PLCL1: variants seen among roughly 807,000 people sequenced by gnomAD.
The protein encoded by PLCL1 is inactive phospholipase C-like protein 1.
In PLCL1, 41 loss-of-function variants were observed where a neutral mutation model predicts 84.4. The observed-to-expected ratio is 0.49, with a 90% CI of 0.38 to 0.63. PLCL1 has a LOEUF of 0.63. PLCL1 is among the 30% of genes least tolerant of loss of function. The pLI is 0.00. For missense variants in PLCL1, 1,206 were observed against 1,367.8 expected (o/e 0.88, Z 1.87); for synonymous variants, 490 against 488.3 (o/e 1.00, Z -0.05).
Position 197,834,611 on chromosome 2 carries a change from G to A in PLCL1, c.240+29272G>A, listed in dbSNP as rs966237465. ...AAACCACAATGAGATACCATCTCAC[G>A]CCAGTTAGAATGGCGATCATTAAAA... On this transcript the variant is annotated intron_variant, in intron 1 of 5. Coordinates refer to ENST00000428675, the MANE Select transcript of PLCL1 (RefSeq NM_006226.4). Among the ~76,000 whole-genome samples the A allele has an allele frequency of 2.6e-5, 4 of 152,138 alleles. No homozygotes were observed. In the South Asian group the frequency reaches 8.3e-4, roughly 32 times the overall value.
intron 5 of PLCL1, among the ~76,000 whole-genome samples, chr2:198,108,912 A>T (rs985541526): frequency 2.6e-5 from 4 of 151,912 alleles, no homozygotes; most frequent in African/African-American, 9.7e-5. Flanking sequence ...TGTACATGAA[A>T]TTGGTCTCCT....
At chr2:198,045,705 C>T (rs1202947030) in intron 1 of PLCL1, among the ~76,000 whole-genome samples, 2 of 152,102 alleles carry the variant, frequency 1.3e-5, no homozygotes, top group African/African-American at 4.8e-5. Context: ...ATGGCTCTGC[C>T]AGATTCATAT....
chr2:197,862,207 C>A (rs1243261731), intron 1 of PLCL1, among the ~76,000 whole-genome samples: 1 of 152,106 alleles, frequency 6.6e-6, no homozygotes, highest in Non-Finnish European at 1.5e-5. Context: ...CCTGGTGATG[C>A]CATGATCATA....
intron 2 of PLCL1, among the ~76,000 whole-genome samples, chr2:198,087,017 A>G (rs1281300392): frequency 6.6e-6 from 1 of 152,228 alleles, no homozygotes; most frequent in Non-Finnish European, 1.5e-5. Flanking sequence ...TAATGACAAC[A>G]ATAATAAATT....
At chr2:197,922,467 C>T (rs1688721882) in intron 1 of PLCL1, among the ~76,000 whole-genome samples, 1 of 116,764 alleles carries the variant, frequency 8.6e-6, no homozygotes, top group Admixed American at 8.7e-5. Context: ...CCACCTTTCC[C>T]GCCTTTCTAT....
rs3056066 is a variant in PLCL1, at chr2:197,804,942, T to TGCCGCC, written c.-139_-134dup. On this transcript the variant is annotated 5_prime_UTR_variant, in exon 1 of 6. Coordinates refer to ENST00000428675, the MANE Select transcript of PLCL1 (RefSeq NM_006226.4). ...GAGCGATGTCCCCTCTCCAGAAAGTTGCCGCCGCCGCCGCCGCCGCCGCCA... is the reference window on the plus strand; with the variant it reads ...GAGCGATGTCCCCTCTCCAGAAAGTTGCCGCCGCCGCCGCCGCCGCCGCCGCCGCCA... 0.16 allele frequency: 114,758 copies of TGCCGCC among 732,406 alleles called. 9,892 individuals carry two copies. Among genetic ancestry groups the TGCCGCC allele is most frequent in the East Asian group, 0.22 (6,202 of 27,748 alleles). The allele number at this position is 732,406 out of a possible 1,614,324, so 45.4% of individuals were successfully genotyped here.
rs187924455 is a variant in PLCL1, at chr2:197,906,535, G to T, written c.240+101196G>T. Among the ~76,000 whole-genome samples the T allele has an allele frequency of 3.4e-3, 522 of 152,114 alleles. 4 individuals are homozygous for T. The highest frequency in any genetic ancestry group is 0.012 in the African/African-American group (485 of 41,502). On this transcript the variant is annotated intron_variant, in intron 1 of 5. Transcript: ENST00000428675. Reference sequence around the variant, plus strand: ...TGTTCTTTTTGCTTAGGATTGTCTTGGCTATACTGGCTCTTCTTTGGTTCC... The same window carrying T: ...TGTTCTTTTTGCTTAGGATTGTCTTTGCTATACTGGCTCTTCTTTGGTTCC...
At chr2:197,882,017 G>A (rs1205556066) in intron 1 of PLCL1, among the ~76,000 whole-genome samples, 1 of 152,076 alleles carries the variant, frequency 6.6e-6, no homozygotes, top group Non-Finnish European at 1.5e-5. Flanking sequence ...ACAAGATGAT[G>A]GTTTTGAATA....
At chr2:197,977,854 C>G (rs767427001) in intron 1 of PLCL1, among the ~76,000 whole-genome samples, 8 of 152,162 alleles carry the variant, frequency 5.3e-5, no homozygotes, top group Non-Finnish European at 1.2e-4. Context: ...ATGGAAATCC[C>G]TGGCTATTCT....
rs192765029 is a variant in PLCL1, at chr2:197,934,429, T to G, written c.240+129090T>G. 1.9e-3 allele frequency among the ~76,000 whole-genome samples: 288 copies of G among 152,352 alleles called. 6 individuals carry two copies. The highest frequency in any genetic ancestry group is 0.018 in the Admixed American group (277 of 15,300). ...ATATCACTGTTCTTGCTTTTGACTT[T>G]GTGAAGTCGGCATATTCACATCCAC... On this transcript the variant is annotated intron_variant, in intron 1 of 5. Coordinates refer to ENST00000428675, the MANE Select transcript of PLCL1 (RefSeq NM_006226.4).
chr2:198,148,595 A>G lies in PLCL1; in HGVS notation c.*1633A>G, dbSNP rs1694581035. 6.6e-6 allele frequency: 1 copy of G among 152,366 alleles called. No individual in the cohort carries two copies. The highest frequency in any genetic ancestry group is 1.5e-5 in the Non-Finnish European group (1 of 68,040). The allele number at this position is 152,366 out of a possible 1,614,324, so 9.4% of individuals were successfully genotyped here. On this transcript the variant is annotated 3_prime_UTR_variant, in exon 6 of 6. Coordinates refer to ENST00000428675, the MANE Select transcript of PLCL1 (RefSeq NM_006226.4). Reference sequence around the variant, plus strand: ...TTGAAGGCAAGTTTCCAATGATGCTACAATGGCCTGAAAAAATTTCTTTAC... The same window carrying G: ...TTGAAGGCAAGTTTCCAATGATGCTGCAATGGCCTGAAAAAATTTCTTTAC...
intron 1 of PLCL1, among the ~76,000 whole-genome samples, chr2:198,076,576 G>A (rs963583111): frequency 6.6e-6 from 1 of 152,072 alleles, no homozygotes; most frequent in Admixed American, 6.6e-5. Flanking sequence ...ACCCACTAGG[G>A]AAGGCCAGTG....
At chr2:198,033,132 T>C (rs1014468707) in intron 1 of PLCL1, among the ~76,000 whole-genome samples, 4 of 152,212 alleles carry the variant, frequency 2.6e-5, no homozygotes, top group East Asian at 1.9e-4. Flanking sequence ...AAAAGAATAA[T>C]TTTAATGATG....
rs369030223 is a variant in PLCL1 at position 198,085,027 on chromosome 2, G to A, written c.1510G>A (p.Ala504Thr). ...HCSLPQQKVM[A>T]QQMKKVFGNK... is the part of the protein sequence containing the mutation. ...CTCCTTGCCGCAGCAGAAGGTAATG[G>A]CTCAACAGATGAAAAAGGTCTTTGG... Residue 504 changes from alanine to threonine, a missense_variant, in exon 2 of 6, where the codon GCT becomes ACT. By Grantham distance (58) the Ala-to-Thr change is moderately conservative (BLOSUM62 0). Coordinates refer to ENST00000428675, the MANE Select transcript of PLCL1 (RefSeq NM_006226.4). The surrounding 1 kb of genome is among the most constrained non-coding windows in gnomAD (Gnocchi z 5.3). 6.2e-7 allele frequency: 1 copy of A among 1,613,878 alleles called. No individual in the cohort carries two copies. Among genetic ancestry groups the A allele is most frequent in the African/African-American group, 1.3e-5 (1 of 74,900 alleles).
At chr2:197,928,027 G>C (rs1688865765) in intron 1 of PLCL1, among the ~76,000 whole-genome samples, 1 of 138,460 alleles carries the variant, frequency 7.2e-6, no homozygotes, top group Non-Finnish European at 1.6e-5. Flanking sequence ...AATGAAGTTT[G>C]ATGGTATGAT....
intron 1 of PLCL1, among the ~76,000 whole-genome samples, chr2:197,908,455 T>C (rs993839317): frequency 1.3e-5 from 2 of 152,246 alleles, no homozygotes; most frequent in Non-Finnish European, 2.9e-5. Context: ...CTCTGTCCAG[T>C]GATCCTTTTG....
intron 1 of PLCL1, among the ~76,000 whole-genome samples, chr2:197,857,103 C>A (rs1968488): frequency 0.19 from 29,363 of 151,746 alleles, 2,889 homozygotes; most frequent in East Asian, 0.27. Flanking sequence ...ATGTAACAAA[C>A]CTGCACATCC....
chr2:198,131,541 T>A (rs913801446), intron 5 of PLCL1, among the ~76,000 whole-genome samples: 2 of 152,138 alleles, frequency 1.3e-5, no homozygotes, highest in African/African-American at 2.4e-5. Context: ...CAAATCCCCA[T>A]GTTTTGGAGA....
At chr2:197,841,050 C>T (rs969586368) in intron 1 of PLCL1, among the ~76,000 whole-genome samples, 1 of 152,070 alleles carries the variant, frequency 6.6e-6, no homozygotes, top group Non-Finnish European at 1.5e-5. Context: ...TTTAGATTTA[C>T]AGAAAATTTG....
Sources: gnomAD v4.1 joint callset for allele counts (sites outside exome capture counted in the v4.1 genomes callset) on GRCh38, gnomAD v4.1.1 for gene constraint, Gnocchi (gnomAD v3.1) non-coding constraint, MANE v1.5 for transcripts, NCBI Gene and HGNC (gene_info 2026-07-23, HGNC 2026-07-21) for gene names.